Variants in RAB39B observed in about 807,000 individuals in gnomAD.
The protein encoded by RAB39B is ras-related protein Rab-39B.
For missense variants in RAB39B, 68 were observed against 171.3 expected, an observed-to-expected ratio of 0.40 and a Z score of 3.37; for synonymous variants, 63 against 67.5, an observed-to-expected ratio of 0.93 and a Z score of 0.33.
rs1193303354 is a variant in RAB39B, at chrX:155,264,127, T to C, written c.162A>G (p.Pro54=). ...AGATCTGGAGCTTGATGCGTTTTCC[T>C]GGCTCGATCTCCACCAAGCGGGAGA... ...DFFSRLVEIE[P]GKRIKLQIWD... Residue 54 remains proline, a synonymous_variant, in exon 1 of 2, where the codon CCA becomes CCG. Coordinates refer to ENST00000369454, the MANE Select transcript of RAB39B (RefSeq NM_171998.4). The C allele has an allele frequency of 3.3e-6, 4 of 1,209,642 alleles. No individual in the cohort carries two copies. In the African/African-American group the frequency reaches 5.3e-5, roughly 16 times the overall value.
intron 1 of RAB39B, among the ~76,000 whole-genome samples, chrX:155,263,083 C>G (rs782636508): frequency 1.8e-5 from 2 of 112,126 alleles, no homozygotes; most frequent in South Asian, 7.4e-4. Context: ...TCCTGCTGCT[C>G]TACTTTAGTT....
chrX:155,263,762 T>G (rs1163859447), intron 1 of RAB39B, among the ~76,000 whole-genome samples: 1 of 112,707 alleles, frequency 8.9e-6, no homozygotes, highest in Non-Finnish European at 1.9e-5. Flanking sequence ...TTTGAAAGTA[T>G]GTAACATAGG....
chrX:155,260,140 C>T lies in RAB39B; in HGVS notation c.*663G>A, dbSNP rs1410023050. 2 of 112,641 alleles carry T rather than the reference C, an allele frequency of 1.8e-5. No homozygotes were observed. The highest frequency in any genetic ancestry group is 3.7e-5 in the Non-Finnish European group (2 of 53,404). The allele number at this position is 112,641 out of a possible 1,213,427, so 9.3% of individuals were successfully genotyped here. A position where few individuals can be genotyped will look rare whatever the true frequency, so the allele number is the denominator to read the frequency against. On this transcript the variant is annotated 3_prime_UTR_variant, in exon 2 of 2. Transcript: ENST00000369454. ...TTTGCATGGGACAATTTGTTTCATA[C>T]AGCTGGTAATTCTATCACAAGGGTG...
rs1557314073 is a variant in RAB39B at position 155,259,603 on chromosome X, C to T, written c.*1200G>A. 3 of 112,210 alleles carry T rather than the reference C, an allele frequency of 2.7e-5. No individual in the cohort carries two copies. The highest frequency in any genetic ancestry group is 9.7e-5 in the African/African-American group (3 of 30,820). 9.2% of individuals were successfully genotyped at this position (112,210 alleles called of 1,213,427 possible). ...CCTGAATGGGCTTTACCTTTGATTC[C>T]TTCCCATGTTCCCTCAGGATTATAG... On this transcript the variant is annotated 3_prime_UTR_variant, in exon 2 of 2. Coordinates refer to ENST00000369454, the MANE Select transcript of RAB39B (RefSeq NM_171998.4).
rs2074843307 is a variant in RAB39B, at chrX:155,258,941, T to C, written c.*1862A>G. On this transcript the variant is annotated 3_prime_UTR_variant, in exon 2 of 2. Transcript: ENST00000369454. ...AATATAGAGAAGATGATCAGTTCAC[T>C]TGTAGTTAATGCTGTGAACTGATCC... is the stretch of plus-strand genomic sequence containing the variant. 1 of 112,348 alleles carries C rather than the reference T, an allele frequency of 8.9e-6. No homozygotes were observed. Among genetic ancestry groups the C allele is most frequent in the South Asian group, 3.7e-4 (1 of 2,729 alleles). 9.3% of individuals were successfully genotyped at this position (112,348 alleles called of 1,213,427 possible). A position where few individuals can be genotyped will look rare whatever the true frequency, so the allele number is the denominator to read the frequency against.
chrX:155,260,890 G>A lies in RAB39B; in HGVS notation c.555C>T (p.Gly185=). Residue 185 remains glycine (G), a synonymous_variant, in exon 2 of 2, where the codon GGC becomes GGT. Transcript: ENST00000369454. The part of the protein sequence containing the change: ...VKRGEITIQE[G]WEGVKSGFVP... ...CAAATCCACTCTTCACCCCTTCCCA[G>A]CCCTCCTGGATTGTAATCTCCCCCC... The A allele has an allele frequency of 8.3e-7, 1 of 1,211,010 alleles. No homozygotes were observed. Among genetic ancestry groups the A allele is most frequent in the South Asian group, 1.8e-5 (1 of 56,933 alleles).
rs1557313944 is a variant in RAB39B, at chrX:155,258,719, T to C, written c.*2084A>G. The C allele has an allele frequency of 8.9e-6, 1 of 112,521 alleles. No homozygotes were observed. The highest frequency in any genetic ancestry group is 3.2e-5 in the African/African-American group (1 of 30,975). The allele number at this position is 112,521 out of a possible 1,213,427, so 9.3% of individuals were successfully genotyped here. A position where few individuals can be genotyped will look rare whatever the true frequency, so the allele number is the denominator to read the frequency against. Reference sequence around the variant, plus strand: ...AAATTGTAGGGAAGTTTTGTTTCTTTCCTTTTTTGAACTGACAGAATCCAG... The same window carrying C: ...AAATTGTAGGGAAGTTTTGTTTCTTCCCTTTTTTGAACTGACAGAATCCAG... On this transcript the variant is annotated 3_prime_UTR_variant, in exon 2 of 2. Transcript: ENST00000369454.
chrX:155,261,214 G>C lies in RAB39B; in HGVS notation c.231C>G (p.Ala77=), dbSNP rs1557314255. 1 of 1,207,191 alleles carries C rather than the reference G, an allele frequency of 8.3e-7. No homozygotes were observed. Among genetic ancestry groups the C allele is most frequent in the East Asian group, 3.0e-5 (1 of 33,847 alleles). Reference sequence around the variant, plus strand: ...GACCACCTACTGAGTTCCTGTAGTAGGCGCGAGTGATGGATCTAAAACACA... The same window carrying C: ...GACCACCTACTGAGTTCCTGTAGTACGCGCGAGTGATGGATCTAAAACACA... ...GQERFRSITR[A]YYRNSVGGLL... Residue 77 remains alanine, a synonymous_variant, in exon 2 of 2, where the codon GCC becomes GCG. Coordinates refer to ENST00000369454, the MANE Select transcript of RAB39B (RefSeq NM_171998.4).
Position 155,258,802 on chromosome X carries a change from A to G in RAB39B, c.*2001T>C, listed in dbSNP as rs2074842661. On this transcript the variant is annotated 3_prime_UTR_variant, in exon 2 of 2. Coordinates refer to ENST00000369454, the MANE Select transcript of RAB39B (RefSeq NM_171998.4). The stretch of plus-strand genomic sequence containing the variant: ...TTTCAGAATCTTCTAAACATAATTC[A>G]GTATAGCAGTTGATGAAATTTTGTG... The G allele has an allele frequency of 8.9e-6, 1 of 112,554 alleles. No individual in the cohort carries two copies. The highest frequency in any genetic ancestry group is 3.6e-4 in the South Asian group (1 of 2,753). The allele number at this position is 112,554 out of a possible 1,213,427, so 9.3% of individuals were successfully genotyped here. A position where few individuals can be genotyped will look rare whatever the true frequency, so the allele number is the denominator to read the frequency against.
chrX:155,263,600 G>GT (rs781984906), intron 1 of RAB39B, among the ~76,000 whole-genome samples: 5 of 112,556 alleles, frequency 4.4e-5, no homozygotes, highest in Non-Finnish European at 7.5e-5. Context: ...ATGTGTGCTG[G>GT]TTGCAAGAAG....
In RAB39B at chrX:155,258,471, TAGTATTATATTA is replaced by T. The variant is rs1222941493; in HGVS notation, c.*2320_*2331del. ...AAAATAGCTTCTAAAGCTTTATCCTTAGTATTATATTAACACCTGATTCTTTTCACACTTATT... is the reference window on the plus strand; with the variant it reads ...AAAATAGCTTCTAAAGCTTTATCCTTACACCTGATTCTTTTCACACTTATT... On this transcript the variant is annotated 3_prime_UTR_variant, in exon 2 of 2. Transcript: ENST00000369454. 5.3e-5 allele frequency: 6 copies of T among 112,720 alleles called. No homozygotes were observed. Among genetic ancestry groups the T allele is most frequent in the African/African-American group, 1.9e-4 (6 of 31,034 alleles). The allele number at this position is 112,720 out of a possible 1,213,427, so 9.3% of individuals were successfully genotyped here.
In RAB39B at chrX:155,259,889, CTGTT is replaced by C. The variant is rs1467107901; in HGVS notation, c.*910_*913del. On this transcript the variant is annotated 3_prime_UTR_variant, in exon 2 of 2. Transcript: ENST00000369454. ...AATAAGTAGCCCAAGTAACTGTAAG[CTGTT>C]TGTAAGGGTTACAGTGCCTCCTGTT... is the stretch of plus-strand genomic sequence containing the variant. The C allele has an allele frequency of 9.0e-6, 1 of 111,606 alleles. No individual in the cohort carries two copies. Among genetic ancestry groups the C allele is most frequent in the Admixed American group, 9.5e-5 (1 of 10,510 alleles). The allele number at this position is 111,606 out of a possible 1,213,427, so 9.2% of individuals were successfully genotyped here.
chrX:155,260,890 G>C lies in RAB39B; in HGVS notation c.555C>G (p.Gly185=). The part of the protein sequence containing the change: ...VKRGEITIQE[G]WEGVKSGFVP... ...CAAATCCACTCTTCACCCCTTCCCA[G>C]CCCTCCTGGATTGTAATCTCCCCCC... The change falls in exon 2 of 2, where the codon GGC becomes GGG. Residue 185 remains glycine (G), a synonymous_variant. Transcript: ENST00000369454. 3 of 1,211,010 alleles carry C rather than the reference G, an allele frequency of 2.5e-6. No homozygotes were observed. The highest frequency in any genetic ancestry group is 3.4e-6 in the Non-Finnish European group (3 of 894,909).
At position 155,260,721 on chromosome X, in the gene RAB39B, C is replaced by T; in HGVS notation, c.*82G>A. On this transcript the variant is annotated 3_prime_UTR_variant, in exon 2 of 2. Transcript: ENST00000369454. ...GGTATCCAAATGGAGGTTGAGTTCT[C>T]ATCAGTTACACAAAGATTCTATTTA... 2 of 1,008,282 alleles carry T rather than the reference C, an allele frequency of 2.0e-6. No individual in the cohort carries two copies. Among genetic ancestry groups the T allele is most frequent in the Non-Finnish European group, 2.8e-6 (2 of 712,765 alleles). The allele number at this position is 1,008,282 out of a possible 1,213,427, so 83.1% of individuals were successfully genotyped here. A position where few individuals can be genotyped will look rare whatever the true frequency, so the allele number is the denominator to read the frequency against.
intron 1 of RAB39B, 91 bp from the exon 2 acceptor site, chrX:155,261,320 G>T: frequency 1.5e-6 from 1 of 660,274 alleles, no homozygotes; most frequent in South Asian, 2.3e-5. Context: ...CCTGGTTAGT[G>T]ACACAGTCCT....
In RAB39B at chrX:155,264,291, C is replaced by A. The variant is rs782564454; in HGVS notation, c.-3G>T. On this transcript the variant is annotated 5_prime_UTR_variant, in exon 1 of 2. Transcript: ENST00000369454. ...TGGTACAGCCAGATGGCCTCCATGG[C>A]CGCGGCTCTGCAGGTCTCCTTGGCC... 4.1e-6 allele frequency: 5 copies of A among 1,208,629 alleles called. No homozygotes were observed. The Admixed American group carries it at 6.5e-5, about 16-fold the overall frequency.
intron 1 of RAB39B, 100 bp downstream of exon 1, chrX:155,263,974 C>A (rs2074860960): frequency 6.1e-6 from 5 of 822,512 alleles, no homozygotes; most frequent in Non-Finnish European, 9.1e-6. Context: ...TGGTGTTGCC[C>A]TCCTGGACCG....
rs147213132 is a variant in RAB39B, at chrX:155,260,521, C to A, written c.*282G>T. 1,082 of 370,587 alleles carry A rather than the reference C, an allele frequency of 2.9e-3. 9 individuals carry two copies. Among genetic ancestry groups the A allele is most frequent in the African/African-American group, 0.025 (967 of 39,283 alleles). The allele number at this position is 370,587 out of a possible 1,213,427, so 30.5% of individuals were successfully genotyped here. A position where few individuals can be genotyped will look rare whatever the true frequency, so the allele number is the denominator to read the frequency against. ...GGGACTTAGCTTCCTAAACCCCAGG[C>A]CTTTAACATGTGGTCCACAAAGGGC... On this transcript the variant is annotated 3_prime_UTR_variant, in exon 2 of 2. Transcript: ENST00000369454.
chrX:155,261,379 T>TG (rs1383997561), intron 1 of RAB39B, 150 bp from the exon 2 acceptor site: 5 of 490,423 alleles, frequency 1.0e-5, no homozygotes, highest in Non-Finnish European at 1.7e-5. Context: ...GGAATACAAA[T>TG]GGCATTCCAT....
Sources: gnomAD v4.1 joint callset for allele counts (sites outside exome capture counted in the v4.1 genomes callset) on GRCh38, gnomAD v4.1.1 for gene constraint, MANE v1.5 for transcripts, NCBI Gene and HGNC (gene_info 2026-07-23, HGNC 2026-07-21) for gene names.